Variants in PLEKHG6 observed in about 807,000 individuals in gnomAD.
PLEKHG6 encodes the protein pleckstrin homology domain-containing family G member 6.
A neutral mutation model predicts 97.5 loss-of-function variants in PLEKHG6; 91 were observed. The observed-to-expected ratio is 0.93, with a 90% confidence interval of 0.79 to 1.11. PLEKHG6 has a LOEUF of 1.11. PLEKHG6 is among the 50% of genes most tolerant of loss of function. The pLI is 0.00. For missense variants in PLEKHG6, 1,044 were observed against 1,031.0 expected, an observed-to-expected ratio of 1.01 and a Z score of -0.17; for synonymous variants, 466 against 425.5, an observed-to-expected ratio of 1.10 and a Z score of -1.17.
rs1947524676 is a variant in PLEKHG6, at chr12:6,317,657, G to A, written c.978G>A (p.Arg326=). 4.3e-6 allele frequency: 7 copies of A among 1,613,858 alleles called. No homozygotes were observed. The highest frequency in any genetic ancestry group is 1.7e-4 in the Middle Eastern group (1 of 6,044). The change falls in exon 9 of 16, where the codon AGG becomes AGA. Residue 326 remains arginine (R), a synonymous_variant. Transcript: ENST00000684764. ...TGCTGCTCCATGCTGTGCTCAAGAG[G>A]AGCCCCGAGGCACGAGCCCAAGAGG... The part of the protein sequence containing the change: ...YPLLLHAVLK[R]SPEARAQEAL...
Position 6,316,997 on chromosome 12 carries a change from T to G in PLEKHG6, c.757-306T>G, listed in dbSNP as rs1420754079. Among the ~76,000 whole-genome samples the G allele has an allele frequency of 6.6e-6, 1 of 152,132 alleles. No homozygotes were observed. The highest frequency in any genetic ancestry group is 3.2e-3 in the Middle Eastern group (1 of 314). On this transcript the variant is annotated intron_variant, in intron 7 of 15. Coordinates refer to ENST00000684764, the MANE Select transcript of PLEKHG6 (RefSeq NM_001384598.1). The surrounding 1 kb of genome is among the most constrained non-coding windows in gnomAD (Gnocchi z 4.1). ...GGGATCTGCAATGTCCTGACAACGGTCCAGCTGAATTATCGATGGTGGGAG... is the reference window on the plus strand; with the variant it reads ...GGGATCTGCAATGTCCTGACAACGGGCCAGCTGAATTATCGATGGTGGGAG...
At chr12:6,312,016 TCCC>T (rs1462515218) in intron 1 of PLEKHG6, 140 bp from the exon 2 acceptor site, 4 of 468,042 alleles carry the variant, frequency 8.5e-6, no homozygotes, top group Non-Finnish European at 1.5e-5. Flanking sequence ...GCAGCCATGT[TCCC>T]CCCAACAAGT....
intron 13 of PLEKHG6, among the ~76,000 whole-genome samples, chr12:6,324,240 C>T (rs906459204): frequency 2.0e-5 from 3 of 151,838 alleles, no homozygotes; most frequent in South Asian, 2.1e-4. Flanking sequence ...AGCCCCATCC[C>T]GCCCATTCCC....
intron 13 of PLEKHG6, among the ~76,000 whole-genome samples, 170 bp from the exon 14 acceptor site, chr12:6,326,258 T>C (rs1011874953): frequency 5.3e-5 from 8 of 152,118 alleles, no homozygotes; most frequent in Non-Finnish European, 4.4e-5. Flanking sequence ...TGAGCCAAGA[T>C]TGTGGCACTG....
intron 13 of PLEKHG6, among the ~76,000 whole-genome samples, chr12:6,325,522 T>C (rs1304899139): frequency 2.0e-5 from 3 of 152,198 alleles, no homozygotes; most frequent in Non-Finnish European, 2.9e-5. Context: ...AGGCAGATAA[T>C]ATAATGCGTC....
chr12:6,315,589 C>T lies in PLEKHG6; in HGVS notation c.495C>T (p.Ala165=). 6.3e-7 allele frequency: 1 copy of T among 1,587,392 alleles called. No homozygotes were observed. The highest frequency in any genetic ancestry group is 2.3e-5 in the East Asian group (1 of 44,000). The change falls in exon 5 of 16, where the codon GCC becomes GCT. Residue 165 remains alanine, a synonymous_variant. Transcript: ENST00000684764. This position sits in a 1 kb window ranked among gnomAD's most constrained non-coding sequence, Gnocchi z 4.5. ...AGGAGCTCTGCCACCAACAGGAGGC[C>T]CTGTGGGAGCTCCTGACCACCGAGC... ...MSQELCHQQE[A]LWELLTTELI...
rs552177166 is a variant in PLEKHG6, at chr12:6,327,791, G to A, written c.2208G>A (p.Glu736=). 3.3e-6 allele frequency: 5 copies of A among 1,523,526 alleles called. No homozygotes were observed. Among genetic ancestry groups the A allele is most frequent in the South Asian group, 2.6e-5 (2 of 75,866 alleles). 94.4% of individuals were successfully genotyped at this position (1,523,526 alleles called of 1,614,324 possible). The change falls in exon 15 of 16, where the codon GAG becomes GAA. Residue 736 remains glutamate, a synonymous_variant. Coordinates refer to ENST00000684764, the MANE Select transcript of PLEKHG6 (RefSeq NM_001384598.1). The part of the protein sequence containing the change: ...GHTSLRPMRA[E]DMLREIREEL... ...CATCCCTGCGCCCAATGCGGGCTGA[G>A]GACATGCTCAGAGAGATCCGGGAGG...
chr12:6,315,640 C>A lies in PLEKHG6; in HGVS notation c.546C>A (p.Ile182=). Residue 182 remains isoleucine (I), a synonymous_variant, in exon 5 of 16, where the codon ATC becomes ATA. Coordinates refer to ENST00000684764, the MANE Select transcript of PLEKHG6 (RefSeq NM_001384598.1). This position sits in a 1 kb window ranked among gnomAD's most constrained non-coding sequence, Gnocchi z 4.5. ...TGATCTACGTGAGAAAGCTCAAGATCATGACTGATGTGAGCCCCCCTCAGC... is the reference window on the plus strand; with the variant it reads ...TGATCTACGTGAGAAAGCTCAAGATAATGACTGATGTGAGCCCCCCTCAGC... ...TELIYVRKLK[I]MTDLLAAGLL... The A allele has an allele frequency of 1.9e-6, 3 of 1,582,476 alleles. No individual in the cohort carries two copies. The African/African-American group carries it at 4.0e-5, about 21-fold the overall frequency.
chr12:6,314,011 T>C (rs1947362948), intron 3 of PLEKHG6, among the ~76,000 whole-genome samples: 1 of 152,212 alleles, frequency 6.6e-6, no homozygotes, highest in Non-Finnish European at 1.5e-5. Context: ...GGATAAACGA[T>C]TGATATTGAG....
In PLEKHG6 at chr12:6,316,460, T is replaced by TAGGGCATG; in HGVS notation, c.756+56_756+57insAGGGCATG. The stretch of plus-strand genomic sequence containing the variant: ...GGGCAGGACTCGGAGCCCTCGGGGG[T>TAGGGCATG]CCTGTGTGTAGGGCATGCCCACAGT... On this transcript the variant is annotated intron_variant, in intron 7 of 15. Coordinates refer to ENST00000684764, the MANE Select transcript of PLEKHG6 (RefSeq NM_001384598.1). This position sits in a 1 kb window ranked among gnomAD's most constrained non-coding sequence, Gnocchi z 4.1. The TAGGGCATG allele has an allele frequency of 2.0e-6, 3 of 1,488,014 alleles. No homozygotes were observed. The highest frequency in any genetic ancestry group is 2.7e-6 in the Non-Finnish European group (3 of 1,106,436). 92.2% of individuals were successfully genotyped at this position (1,488,014 alleles called of 1,614,324 possible).
At chr12:6,319,393 A>C in intron 13 of PLEKHG6, 1 of 775,312 alleles carries the variant, frequency 1.3e-6, no homozygotes, top group Non-Finnish European at 2.0e-6. Context: ...GGTTGCAGTG[A>C]CCTGAGATCG....
At position 6,316,531 on chromosome 12, in the gene PLEKHG6, C is replaced by T. The variant is rs2136740803; in HGVS notation, c.756+127C>T. On this transcript the variant is annotated intron_variant, in intron 7 of 15. Transcript: ENST00000684764. This position sits in a 1 kb window ranked among gnomAD's most constrained non-coding sequence, Gnocchi z 4.1. Reference sequence around the variant, plus strand: ...AGGGGCCGCAGGACACAGCCCCTACCCCTAATATCACCTCACCTCCTCCCT... The same window carrying T: ...AGGGGCCGCAGGACACAGCCCCTACTCCTAATATCACCTCACCTCCTCCCT... 2.4e-6 allele frequency: 2 copies of T among 838,740 alleles called. No homozygotes were observed. The highest frequency in any genetic ancestry group is 3.5e-6 in the Non-Finnish European group (2 of 569,540). 52.0% of individuals were successfully genotyped at this position (838,740 alleles called of 1,614,324 possible).
chr12:6,319,453 G>GA (rs1183010559), intron 13 of PLEKHG6: 1,893 of 1,221,242 alleles, frequency 1.6e-3, no homozygotes, highest in East Asian at 2.5e-3. Flanking sequence ...GAAGAAGAAG[G>GA]AAAAAAAAAA....
chr12:6,323,399 T>G (rs113697370), intron 13 of PLEKHG6, among the ~76,000 whole-genome samples: 79 of 152,356 alleles, frequency 5.2e-4, no homozygotes, highest in African/African-American at 1.9e-3. Flanking sequence ...AGAAACTCTG[T>G]TGGTCCCTTT....
Position 6,317,909 on chromosome 12 carries a change from G to A in PLEKHG6, c.1070G>A (p.Gly357Asp), listed in dbSNP as rs71584814. ...LRHINGQVRQGEEQESLAAAA... is the reference protein window; with the variant it reads ...LRHINGQVRQDEEQESLAAAA... ...CACATCAATGGGCAGGTCCGCCAGGGCGAAGAGCAAGAGAGCTTGGCGGCT... is the reference window on the plus strand; with the variant it reads ...CACATCAATGGGCAGGTCCGCCAGGACGAAGAGCAAGAGAGCTTGGCGGCT... Residue 357 changes from glycine to aspartate, a missense_variant, in exon 10 of 16, where the codon GGC (glycine) becomes GAC (aspartate). By Grantham distance (94) the Gly-to-Asp change is moderately conservative. Transcript: ENST00000684764. 6.4e-7 allele frequency: 1 copy of A among 1,562,466 alleles called. No homozygotes were observed. The highest frequency in any genetic ancestry group is 2.4e-5 in the East Asian group (1 of 42,352).
intron 13 of PLEKHG6, among the ~76,000 whole-genome samples, chr12:6,323,411 A>T (rs1314864453): frequency 6.6e-6 from 1 of 152,252 alleles, no homozygotes; most frequent in Non-Finnish European, 1.5e-5. Context: ...GGTCCCTTTC[A>T]TAGAGCAATC....
chr12:6,327,928 A>G lies in PLEKHG6; in HGVS notation c.2345A>G (p.Asp782Gly). Residue 782 changes from aspartate (D) to glycine (G), a missense_variant, in exon 15 of 16, where the codon GAC becomes GGC. Physicochemically the swap from Asp to Gly is moderately conservative, Grantham distance 94. Coordinates refer to ENST00000684764, the MANE Select transcript of PLEKHG6 (RefSeq NM_001384598.1). ...CGGGGGCCCCACATCATTCAGCTGG[A>G]CACCCCTCTGTCCGCATCGTAAGTG... ...RMRGPHIIQL[D>G]TPLSASEV 6.7e-7 allele frequency: 1 copy of G among 1,483,838 alleles called. No individual in the cohort carries two copies. The highest frequency in any genetic ancestry group is 8.9e-7 in the Non-Finnish European group (1 of 1,117,418). 91.9% of individuals were successfully genotyped at this position (1,483,838 alleles called of 1,614,324 possible).
rs768524136 is a variant in PLEKHG6 at position 6,317,341 on chromosome 12, C to T, written c.795C>T (p.Leu265=). The T allele has an allele frequency of 3.1e-6, 5 of 1,614,116 alleles. No homozygotes were observed. The highest frequency in any genetic ancestry group is 4.2e-6 in the Non-Finnish European group (5 of 1,179,994). Residue 265 remains leucine, a synonymous_variant, in exon 8 of 16, where the codon CTC becomes CTT. Coordinates refer to ENST00000684764, the MANE Select transcript of PLEKHG6 (RefSeq NM_001384598.1). ...TCCACCCCTATGTCCAGTACTGCCT[C>T]CGAGTGAAGCAGACCATGGCTTACG... The part of the protein sequence containing the change: ...QRFHPYVQYC[L]RVKQTMAYAR...
chr12:6,319,202 C>G (rs1162470212), intron 13 of PLEKHG6, 94 bp downstream of exon 13: 1 of 813,694 alleles, frequency 1.2e-6, no homozygotes, highest in East Asian at 2.7e-5. Context: ...AATCTCAGCA[C>G]TTTGGGAGGC....
Sources: allele counts gnomAD v4.1 joint callset (sites outside exome capture counted in the v4.1 genomes callset), GRCh38; gene constraint gnomAD v4.1.1; non-coding constraint Gnocchi (gnomAD v3.1); transcripts MANE v1.5; gene names NCBI Gene and HGNC (gene_info 2026-07-23, HGNC 2026-07-21).